Variants in FBXO28 observed in about 807,000 individuals in gnomAD.
The protein encoded by FBXO28 is F-box protein 28.
FBXO28 carries 8 observed loss-of-function variants against 38.1 expected under a neutral mutation model. The ratio of observed to expected loss-of-function variants is 0.21; its 90% CI spans 0.12 to 0.38. FBXO28 has a LOEUF of 0.38. FBXO28 is among the 10% of genes least tolerant of loss of function. The probability of loss-of-function intolerance (pLI) is 1.00; values close to 1 mark genes in which losing one functional copy is unlikely to be tolerated. For missense variants in FBXO28, 345 were observed against 460.6 expected (o/e 0.75, Z 2.30); for synonymous variants, 168 against 173.8 (o/e 0.97, Z 0.26).
At chr1:224,129,494 G>T (rs922186152) in intron 1 of FBXO28, among the ~76,000 whole-genome samples, 1 of 152,066 alleles carries the variant, frequency 6.6e-6, no homozygotes, top group Non-Finnish European at 1.5e-5. Flanking sequence ...GACTCAAATG[G>T]ATACATTTCT....
At chr1:224,136,101 G>GATTTTTTTTTTTTT in intron 3 of FBXO28, among the ~76,000 whole-genome samples, 1 of 75,114 alleles carries the variant, frequency 1.3e-5, no homozygotes, top group Admixed American at 2.3e-4. Flanking sequence ...GTTGACTTCA[G>GATTTTTTTTTTTTT]TTTTTTTTTT....
chr1:224,124,052 G>A (rs1656846496), intron 1 of FBXO28, among the ~76,000 whole-genome samples: 1 of 152,204 alleles, frequency 6.6e-6, no homozygotes, highest in Non-Finnish European at 1.5e-5. Context: ...AAAGGTTGCA[G>A]TGAGTGGAGA....
At chr1:224,136,711 G>C (rs1001316615) in intron 3 of FBXO28, among the ~76,000 whole-genome samples, 1 of 151,266 alleles carries the variant, frequency 6.6e-6, no homozygotes, top group Non-Finnish European at 1.5e-5. Flanking sequence ...CTGGGCGACA[G>C]AGCAAGACTT....
chr1:224,157,911 C>T lies in FBXO28; in HGVS notation c.*165C>T, dbSNP rs1175582087. ...TTGGGACATTCTTTTCCTGCTTCTCCTGATTGAACTGATGCACAGAATCTT... is the reference window on the plus strand; with the variant it reads ...TTGGGACATTCTTTTCCTGCTTCTCTTGATTGAACTGATGCACAGAATCTT... On this transcript the variant is annotated 3_prime_UTR_variant, in exon 5 of 5. Coordinates refer to ENST00000366862, the MANE Select transcript of FBXO28 (RefSeq NM_015176.4). 4.2e-6 allele frequency: 6 copies of T among 1,416,902 alleles called. No homozygotes were observed. The South Asian group carries it at 4.9e-5, about 12-fold the overall frequency. 87.8% of individuals were successfully genotyped at this position (1,416,902 alleles called of 1,614,324 possible). A position where few individuals can be genotyped will look rare whatever the true frequency, so the allele number is the denominator to read the frequency against.
In FBXO28 at chr1:224,158,598, CAA is replaced by C. The variant is rs1343999707; in HGVS notation, c.*853_*854del. 7.9e-5 allele frequency: 12 copies of C among 152,374 alleles called. No individual in the cohort carries two copies. Among genetic ancestry groups the C allele is most frequent in the African/African-American group, 2.9e-4 (12 of 41,446 alleles). The allele number at this position is 152,374 out of a possible 1,614,324, so 9.4% of individuals were successfully genotyped here. On this transcript the variant is annotated 3_prime_UTR_variant, in exon 5 of 5. Coordinates refer to ENST00000366862, the MANE Select transcript of FBXO28 (RefSeq NM_015176.4). ...CATTTGTCCTCCAGTTTTATAGGAA[CAA>C]GAGACTATTAAAGCCCATTGCTTTA...
intron 1 of FBXO28, among the ~76,000 whole-genome samples, chr1:224,116,368 A>G (rs1174516051): frequency 6.6e-6 from 1 of 152,152 alleles, no homozygotes; most frequent in African/African-American, 2.4e-5. Flanking sequence ...TTGGCAGTCA[A>G]GAGAGTACCT....
chr1:224,128,792 C>T (rs1303191618), intron 1 of FBXO28, among the ~76,000 whole-genome samples: 2 of 151,848 alleles, frequency 1.3e-5, no homozygotes, highest in African/African-American at 2.4e-5. Flanking sequence ...TTAAGACCAG[C>T]CTGGGCAACA....
chr1:224,126,973 AGCCCTGTT>A (rs1656917826), intron 1 of FBXO28, among the ~76,000 whole-genome samples: 1 of 152,168 alleles, frequency 6.6e-6, no homozygotes, highest in African/African-American at 2.4e-5. Context: ...TTGAGAAGTT[AGCCCTGTT>A]GCCCTCATTC....
chr1:224,138,642 C>A (rs1475614985), intron 3 of FBXO28, among the ~76,000 whole-genome samples: 1 of 151,850 alleles, frequency 6.6e-6, no homozygotes, highest in Non-Finnish European at 1.5e-5. Flanking sequence ...TACTGACACA[C>A]AACCGTATGT....
chr1:224,135,440 C>T (rs1657150935), intron 3 of FBXO28, among the ~76,000 whole-genome samples: 1 of 151,816 alleles, frequency 6.6e-6, no homozygotes, highest in African/African-American at 2.4e-5. Context: ...ATGTGGCCTA[C>T]AAAGATTAAA....
Position 224,141,395 on chromosome 1 carries a change from C to T in FBXO28, c.516+7183C>T, listed in dbSNP as rs369332661. Among the ~76,000 whole-genome samples, 243 of 146,778 alleles carry T rather than the reference C, an allele frequency of 1.7e-3. 1 individual carries two copies. Among genetic ancestry groups the T allele is most frequent in the Admixed American group, 8.4e-3 (123 of 14,656 alleles). On this transcript the variant is annotated intron_variant, in intron 3 of 4. Transcript: ENST00000366862. Reference sequence around the variant, plus strand: ...CTGAGGCAGGAGAATGGTGTGAACCCGGGAGGCGGAGCTTGCAGTGAGCCA... The same window carrying T: ...CTGAGGCAGGAGAATGGTGTGAACCTGGGAGGCGGAGCTTGCAGTGAGCCA...
intron 3 of FBXO28, among the ~76,000 whole-genome samples, chr1:224,141,271 GACCATCCTGGCTAACAGGTGAA>G (rs776216508): frequency 6.6e-6 from 1 of 150,636 alleles, no homozygotes; most frequent in Non-Finnish European, 1.5e-5. Flanking sequence ...AGGAGATGGA[GACCATCCTGGCTAACAGGTGAA>G]ACCCTGTCTC....
At position 224,161,872 on chromosome 1, in the gene FBXO28, T is replaced by A. The variant is rs1297906867; in HGVS notation, c.*4126T>A. ...CAAACCTATTCCAAAAGGTTAGAAGTGTTTAAGATTCCTTTATTGTGGTAC... is the reference window on the plus strand; with the variant it reads ...CAAACCTATTCCAAAAGGTTAGAAGAGTTTAAGATTCCTTTATTGTGGTAC... On this transcript the variant is annotated 3_prime_UTR_variant, in exon 5 of 5. Coordinates refer to ENST00000366862, the MANE Select transcript of FBXO28 (RefSeq NM_015176.4). 6.6e-6 allele frequency: 1 copy of A among 152,190 alleles called. No homozygotes were observed. Among genetic ancestry groups the A allele is most frequent in the Non-Finnish European group, 1.5e-5 (1 of 68,016 alleles). 9.4% of individuals were successfully genotyped at this position (152,190 alleles called of 1,614,324 possible).
chr1:224,115,931 G>C (rs1027020807), intron 1 of FBXO28, among the ~76,000 whole-genome samples: 2 of 152,108 alleles, frequency 1.3e-5, no homozygotes, highest in South Asian at 2.1e-4. Flanking sequence ...TAGTGGGGAG[G>C]GGGGAACCAG....
chr1:224,156,866 G>T (rs1657785457), intron 4 of FBXO28, among the ~76,000 whole-genome samples: 2 of 152,052 alleles, frequency 1.3e-5, no homozygotes, highest in African/African-American at 4.8e-5. Flanking sequence ...GCCAGGCGTG[G>T]TGGCGGGTGC....
chr1:224,144,043 C>G (rs1419954637), intron 3 of FBXO28, among the ~76,000 whole-genome samples: 1 of 149,222 alleles, frequency 6.7e-6, no homozygotes, highest in Non-Finnish European at 1.5e-5. Context: ...CCCAGCTACT[C>G]GGGAGGTTGA....
At chr1:224,141,668 TACTG>T (rs77131978) in intron 3 of FBXO28, among the ~76,000 whole-genome samples, 75,770 of 151,480 alleles carry the variant, frequency 0.5, 20,189 homozygotes, top group South Asian at 0.6. Flanking sequence ...CATGTTACCG[TACTG>T]ACTATTGTAG....
intron 3 of FBXO28, among the ~76,000 whole-genome samples, chr1:224,140,228 C>G (rs2172358): frequency 6.6e-6 from 1 of 152,072 alleles, no homozygotes. Context: ...GTACAGAGAG[C>G]AAAATCAGAA....
chr1:224,145,292 T>C (rs1380511083), intron 3 of FBXO28, among the ~76,000 whole-genome samples: 1 of 2,336 alleles, frequency 4.3e-4, no homozygotes, highest in East Asian at 4.8e-3. Context: ...AGACTACATC[T>C]CAAAAAAAAA....
Sources: allele counts gnomAD v4.1 joint callset (sites outside exome capture counted in the v4.1 genomes callset), GRCh38; gene constraint gnomAD v4.1.1; transcripts MANE v1.5; gene names NCBI Gene and HGNC (gene_info 2026-07-23, HGNC 2026-07-21).